PTPRT: variants seen among roughly 807,000 people sequenced by gnomAD.
PTPRT encodes protein tyrosine phosphatase receptor type T.
PTPRT carries 56 observed loss-of-function variants against 176.8 expected under a neutral mutation model. That is an observed-to-expected ratio of 0.32 (90% CI 0.26 to 0.40). The LOEUF (loss-of-function observed/expected upper bound fraction) is 0.40. Among genes scored for constraint, PTPRT ranks in the 10% least tolerant of loss-of-function variants. PTPRT has a pLI of 1.00. For missense variants in PTPRT, 1,540 were observed against 1,908.2 expected (o/e 0.81, Z 3.60); for synonymous variants, 783 against 739.0 (o/e 1.06, Z -0.96).
intron 2 of PTPRT, among the ~76,000 whole-genome samples, chr20:42,850,311 G>T (rs1269343347): frequency 6.6e-6 from 1 of 152,162 alleles, no homozygotes; most frequent in Non-Finnish European, 1.5e-5. Flanking sequence ...CAGATTCCCA[G>T]GTCCTCAAGT....
chr20:42,863,426 A>T (rs1010875826), intron 2 of PTPRT, among the ~76,000 whole-genome samples: 1 of 152,216 alleles, frequency 6.6e-6, no homozygotes, highest in Non-Finnish European at 1.5e-5. Flanking sequence ...AAATGAGAGC[A>T]GGGAAGGATG....
chr20:42,136,322 T>C (rs1381930615), intron 18 of PTPRT, among the ~76,000 whole-genome samples: 2 of 148,136 alleles, frequency 1.4e-5, no homozygotes, highest in African/African-American at 2.5e-5. Context: ...CCTACAAGTA[T>C]TGGAAATGTT....
At chr20:42,765,782 C>T (rs1343741094) in intron 5 of PTPRT, among the ~76,000 whole-genome samples, 1 of 151,866 alleles carries the variant, frequency 6.6e-6, no homozygotes, top group African/African-American at 2.4e-5. Context: ...TATAACTCAT[C>T]CTTTTCACTT....
intron 7 of PTPRT, among the ~76,000 whole-genome samples, chr20:42,496,120 C>T (rs1436276965): frequency 6.6e-6 from 1 of 151,974 alleles, no homozygotes; most frequent in Non-Finnish European, 1.5e-5. Flanking sequence ...GGAAGTGGAT[C>T]ATCATAAAGC....
rs111912511 is a variant in PTPRT at position 43,130,603 on chromosome 20, GA to G, written c.88+59042del. Among the ~76,000 whole-genome samples, 3 of 151,812 alleles carry G rather than the reference GA, an allele frequency of 2.0e-5. No homozygotes were observed. The East Asian group carries it at 5.8e-4, about 29-fold the overall frequency. On this transcript the variant is annotated intron_variant, in intron 1 of 30. Coordinates refer to ENST00000373187, the MANE Select transcript of PTPRT (RefSeq NM_007050.6). ...AAAAGGAACTTATTTTTTACATATT[GA>G]AAAAAAATTGGGGTGGAGAACTGCA...
At chr20:42,401,191 C>CT (rs1055027330) in intron 9 of PTPRT, among the ~76,000 whole-genome samples, 134 of 151,890 alleles carry the variant, frequency 8.8e-4, no homozygotes, top group African/African-American at 2.8e-3. Flanking sequence ...AAAAAAGTCT[C>CT]TATCGGGATG....
intron 16 of PTPRT, among the ~76,000 whole-genome samples, chr20:42,184,148 G>C (rs914364389): frequency 6.6e-6 from 1 of 152,080 alleles, no homozygotes; most frequent in African/African-American, 2.4e-5. Context: ...AGTCATCCCA[G>C]CTGAGGCTCC....
At chr20:42,471,595 C>T (rs942297401) in intron 8 of PTPRT, among the ~76,000 whole-genome samples, 1 of 152,140 alleles carries the variant, frequency 6.6e-6, no homozygotes, top group African/African-American at 2.4e-5. Context: ...AATTAAACCT[C>T]CTTTCTTTAT....
chr20:42,107,322 C>T (rs1434667825), intron 23 of PTPRT, among the ~76,000 whole-genome samples: 1 of 152,132 alleles, frequency 6.6e-6, no homozygotes, highest in Non-Finnish European at 1.5e-5. Context: ...AAACGAGAGT[C>T]CTCTGAGCTG....
chr20:42,231,345 A>G (rs572647584), intron 15 of PTPRT, among the ~76,000 whole-genome samples: 1 of 152,190 alleles, frequency 6.6e-6, no homozygotes, highest in Admixed American at 6.5e-5. Flanking sequence ...CCTGAGTTCA[A>G]ACTTAACCCT....
At chr20:43,166,146 G>A (rs576846956) in intron 1 of PTPRT, among the ~76,000 whole-genome samples, 89 of 152,268 alleles carry the variant, frequency 5.8e-4, no homozygotes, top group African/African-American at 1.9e-3. Flanking sequence ...CCAACATGGA[G>A]AAACCCTATC....
chr20:42,920,686 G>A (rs1298667854), intron 1 of PTPRT, among the ~76,000 whole-genome samples: 1 of 152,060 alleles, frequency 6.6e-6, no homozygotes, highest in African/African-American at 2.4e-5. Flanking sequence ...AATGCACAAA[G>A]CAGAATCACA....
chr20:42,224,391 T>C (rs534284650), intron 15 of PTPRT, among the ~76,000 whole-genome samples: 1 of 152,314 alleles, frequency 6.6e-6, no homozygotes, highest in Non-Finnish European at 1.5e-5. Context: ...ATTGTCTACC[T>C]CAATACCTAA....
chr20:42,719,985 A>AC (rs1448397301), intron 6 of PTPRT, among the ~76,000 whole-genome samples: 1 of 152,154 alleles, frequency 6.6e-6, no homozygotes, highest in Admixed American at 6.5e-5. Flanking sequence ...TTTGGGCAAG[A>AC]CCCCTAGGTG....
At chr20:42,112,717 C>A (rs952916156) in intron 22 of PTPRT, among the ~76,000 whole-genome samples, 1 of 152,112 alleles carries the variant, frequency 6.6e-6, no homozygotes, top group Non-Finnish European at 1.5e-5. Flanking sequence ...TGCAAACTCT[C>A]CCTAAACACA....
At chr20:42,853,636 C>T (rs78569797) in intron 2 of PTPRT, among the ~76,000 whole-genome samples, 5,123 of 152,208 alleles carry the variant, frequency 0.034, 301 homozygotes, top group African/African-American at 0.12. Context: ...TTAAGCTTGC[C>T]CACATTGGTA....
intron 7 of PTPRT, among the ~76,000 whole-genome samples, chr20:42,478,076 T>C (rs2071322253): frequency 6.6e-6 from 1 of 152,148 alleles, no homozygotes; most frequent in South Asian, 2.1e-4. Context: ...GTCCTTCCTG[T>C]GAGTGGCCGT....
At chr20:42,377,391 T>C (rs532849261) in intron 9 of PTPRT, among the ~76,000 whole-genome samples, 2 of 152,288 alleles carry the variant, frequency 1.3e-5, no homozygotes, top group South Asian at 2.1e-4. Flanking sequence ...CACCGGTCAT[T>C]GCCCCTGATT....
intron 12 of PTPRT, among the ~76,000 whole-genome samples, chr20:42,301,822 G>A (rs2057472723): frequency 6.6e-6 from 1 of 152,100 alleles, no homozygotes; most frequent in African/African-American, 2.4e-5. Flanking sequence ...AAAGGAGTTA[G>A]ACATATTGGT....
Sources: allele counts gnomAD v4.1 joint callset (sites outside exome capture counted in the v4.1 genomes callset), GRCh38; gene constraint gnomAD v4.1.1; transcripts MANE v1.5; gene names NCBI Gene and HGNC (gene_info 2026-07-23, HGNC 2026-07-21).